The following PCDHA4 variants were observed in gnomAD, a reference collection of about 807,000 sequenced individuals.
PCDHA4 encodes protocadherin alpha 4, also known as protocadherin alpha-4.
In PCDHA4, 49 loss-of-function variants were observed where a neutral mutation model predicts 61.4. That is an observed-to-expected ratio of 0.80 (90% CI 0.63 to 1.01). The LOEUF (loss-of-function observed/expected upper bound fraction) is 1.01. PCDHA4 is among the 50% of genes least tolerant of loss of function. PCDHA4 has a pLI of 0.00. For missense variants in PCDHA4, 1,254 were observed against 1,235.8 expected, an observed-to-expected ratio of 1.01 and a Z score of -0.22; for synonymous variants, 590 against 550.3, an observed-to-expected ratio of 1.07 and a Z score of -1.01.
chr5:140,887,649 T>C (rs2061527192), intron 1 of PCDHA4, among the ~76,000 whole-genome samples: 1 of 152,162 alleles, frequency 6.6e-6, no homozygotes, highest in South Asian at 2.1e-4. Context: ...TTTGTTGATA[T>C]TCTTGGATCT....
chr5:140,938,484 A>G (rs914020751), intron 1 of PCDHA4, among the ~76,000 whole-genome samples: 14 of 152,182 alleles, frequency 9.2e-5, no homozygotes, highest in African/African-American at 2.9e-4. Flanking sequence ...TTTAAAAATC[A>G]TGAATAGGCA....
chr5:140,851,043 C>T (rs2041935214), intron 1 of PCDHA4: 7 of 1,389,064 alleles, frequency 5.0e-6, no homozygotes, highest in Middle Eastern at 2.1e-4. Flanking sequence ...ACATTGGAGC[C>T]GACTTTGTCT....
At chr5:140,924,028 G>A (rs908427261) in intron 1 of PCDHA4, among the ~76,000 whole-genome samples, 2 of 152,158 alleles carry the variant, frequency 1.3e-5, no homozygotes, top group South Asian at 4.1e-4. Context: ...TGGAGGCATG[G>A]CTGCAGACCT....
intron 1 of PCDHA4, among the ~76,000 whole-genome samples, chr5:140,902,333 T>C (rs1248113110): frequency 6.6e-6 from 1 of 151,758 alleles, no homozygotes; most frequent in Non-Finnish European, 1.5e-5. Context: ...TCACTTCGCC[T>C]GGCCTAGGAA....
chr5:140,973,755 G>A (rs1442337323), intron 1 of PCDHA4, among the ~76,000 whole-genome samples: 1 of 152,234 alleles, frequency 6.6e-6, no homozygotes, highest in Admixed American at 6.5e-5. Flanking sequence ...ACTCTGCAGG[G>A]ACACAGCCTG....
chr5:140,898,653 G>A (rs1321472129), intron 1 of PCDHA4, among the ~76,000 whole-genome samples: 1 of 152,202 alleles, frequency 6.6e-6, no homozygotes, highest in Non-Finnish European at 1.5e-5. Context: ...TTTTGGCTTA[G>A]GATTGACTTG....
chr5:140,874,803 A>G (rs536331240), intron 1 of PCDHA4, among the ~76,000 whole-genome samples: 1 of 152,378 alleles, frequency 6.6e-6, no homozygotes, highest in East Asian at 1.9e-4. Flanking sequence ...AGATTTATGA[A>G]TAAGACAATT....
chr5:140,884,160 T>G lies in PCDHA4; in HGVS notation c.2385+74588T>G. 2 of 1,613,366 alleles carry G rather than the reference T, an allele frequency of 1.2e-6. No homozygotes were observed. The highest frequency in any genetic ancestry group is 1.7e-6 in the Non-Finnish European group (2 of 1,179,734). Reference sequence around the variant, plus strand: ...CGCGTGGGGCTGTACACTGGCGAGATCAGCACGACGCGCCCTCTGGACGAG... The same window carrying G: ...CGCGTGGGGCTGTACACTGGCGAGAGCAGCACGACGCGCCCTCTGGACGAG... On this transcript the variant is annotated intron_variant, in intron 1 of 3. Coordinates refer to ENST00000530339, the MANE Select transcript of PCDHA4 (RefSeq NM_018907.4).
At position 140,856,335 on chromosome 5, in the gene PCDHA4, G is replaced by C; in HGVS notation, c.2385+46763G>C. ...CGGATTGACCGCGAGGAGCTGTGCG[G>C]GCGGAGCGTGGAGTGCAGCATCCAC... On this transcript the variant is annotated intron_variant, in intron 1 of 3. Transcript: ENST00000530339. 3 of 1,598,610 alleles carry C rather than the reference G, an allele frequency of 1.9e-6. 1 individual carries two copies. The highest frequency in any genetic ancestry group is 2.6e-6 in the Non-Finnish European group (3 of 1,168,024).
At chr5:140,828,445 T>C in intron 1 of PCDHA4, 1 of 1,614,218 alleles carries the variant, frequency 6.2e-7, no homozygotes. Flanking sequence ...AGGTTTTCCA[T>C]GTGGACGTGG....
At chr5:140,830,198 G>A (rs2150099419) in intron 1 of PCDHA4, 1 of 1,613,708 alleles carries the variant, frequency 6.2e-7, no homozygotes, top group Non-Finnish European at 8.5e-7. Context: ...CCTGATCATC[G>A]CCATCTGCGC....
At chr5:140,875,997 T>C in intron 1 of PCDHA4, 13 of 1,613,924 alleles carry the variant, frequency 8.1e-6, no homozygotes, top group South Asian at 1.1e-5. Context: ...TAAGTCTAAA[T>C]GAGAATTTTG....
At chr5:140,869,062 T>A (rs370962991) in intron 1 of PCDHA4, 2 of 1,558,588 alleles carry the variant, frequency 1.3e-6, no homozygotes, top group African/African-American at 2.7e-5. Context: ...TCTGGTACTG[T>A]AAGTGTAAAG....
At chr5:140,829,429 C>T (rs1770296040) in intron 1 of PCDHA4, 2 of 1,614,010 alleles carry the variant, frequency 1.2e-6, no homozygotes, top group South Asian at 1.1e-5. Flanking sequence ...TGGAGGTGGC[C>T]GACATGAATG....
At chr5:140,982,353 C>G (rs2096979519) in intron 2 of PCDHA4, 122 bp from the exon 3 acceptor site, 1 of 1,509,284 alleles carries the variant, frequency 6.6e-7, no homozygotes, top group East Asian at 2.4e-5. Flanking sequence ...TCAGTTCAAG[C>G]ATGAGCAGAA....
chr5:140,808,730 G>T lies in PCDHA4; in HGVS notation c.1543G>T (p.Gly515Cys). The change falls in exon 1 of 4, where the codon GGC (glycine) becomes TGC (cysteine). Residue 515 changes from glycine (G) to cysteine (C), a missense_variant. Physicochemically the swap from Gly to Cys is radical, Grantham distance 159 (BLOSUM62 -3). Coordinates refer to ENST00000530339, the MANE Select transcript of PCDHA4 (RefSeq NM_018907.4). The part of the protein sequence containing the change: ...SSYVSVHAES[G>C]KVYALQPLDH... ...CTACGTTTCGGTGCATGCGGAGAGC[G>T]GCAAGGTGTACGCGCTGCAGCCGCT... The T allele has an allele frequency of 1.9e-6, 3 of 1,612,170 alleles. No homozygotes were observed. Among genetic ancestry groups the T allele is most frequent in the Non-Finnish European group, 1.7e-6 (2 of 1,179,806 alleles).
intron 1 of PCDHA4, chr5:140,871,022 A>G (rs2052630009): frequency 6.2e-7 from 1 of 1,613,114 alleles, no homozygotes; most frequent in African/African-American, 1.3e-5. Context: ...GACGAGGCAG[A>G]CTCGCCGCGC....
chr5:140,904,235 T>A (rs147535141), intron 1 of PCDHA4, among the ~76,000 whole-genome samples: 1,856 of 152,070 alleles, frequency 0.012, 44 homozygotes, highest in African/African-American at 0.042. Flanking sequence ...TACTTATGCC[T>A]TTGCATCCTC....
chr5:140,901,139 A>G (rs1186725760), intron 1 of PCDHA4, among the ~76,000 whole-genome samples: 1 of 151,726 alleles, frequency 6.6e-6, no homozygotes, highest in Non-Finnish European at 1.5e-5. Context: ...GATTGTAAAT[A>G]TTTTCTCTCA....
Sources: allele counts gnomAD v4.1 joint callset (sites outside exome capture counted in the v4.1 genomes callset), GRCh38; gene constraint gnomAD v4.1.1; transcripts MANE v1.5; gene names NCBI Gene and HGNC (gene_info 2026-07-23, HGNC 2026-07-21).